Variants in RAB38 observed in about 807,000 individuals in gnomAD.
RAB38 encodes ras-related protein Rab-38.
In RAB38, 15 loss-of-function variants were observed where a neutral mutation model predicts 18.4. The observed-to-expected ratio is 0.82, with a 90% confidence interval of 0.55 to 1.26. RAB38 has a LOEUF of 1.26. Among genes scored for constraint, RAB38 ranks in the 50% most tolerant of loss-of-function variants. The pLI, the probability that RAB38 is intolerant of heterozygous loss-of-function variation, is 0.00. For missense variants in RAB38, 294 were observed against 267.4 expected (o/e 1.10, Z -0.69); for synonymous variants, 101 against 104.4 (o/e 0.97, Z 0.20).
the RAB38 span, among the ~76,000 whole-genome samples, chr11:88,100,429 A>G: frequency 6.6e-6 from 1 of 151,938 alleles, no homozygotes; most frequent in Non-Finnish European, 1.5e-5. Flanking sequence ...ATCATGTAAG[A>G]AAGTCTTTCC....
chr11:88,158,219 G>T (rs302655), intron 1 of RAB38, among the ~76,000 whole-genome samples: 64,710 of 151,848 alleles, frequency 0.43, 13,911 homozygotes, highest in Middle Eastern at 0.46. Flanking sequence ...AATCTGCCAA[G>T]ATTGAATCAG....
At chr11:87,863,754 G>C in the RAB38 span, among the ~76,000 whole-genome samples, 4 of 151,738 alleles carry the variant, frequency 2.6e-5, no homozygotes, top group Non-Finnish European at 5.9e-5. Flanking sequence ...AAAGTGTATA[G>C]CTCTTAAATC....
chr11:87,873,903 T>A, the RAB38 span, among the ~76,000 whole-genome samples: 2 of 57,862 alleles, frequency 3.5e-5, no homozygotes, highest in African/African-American at 7.8e-5. Flanking sequence ...TATATATATA[T>A]ATATATGTGT....
At chr11:87,925,331 A>G in the RAB38 span, among the ~76,000 whole-genome samples, 1 of 152,172 alleles carries the variant, frequency 6.6e-6, no homozygotes, top group Non-Finnish European at 1.5e-5. Flanking sequence ...TAACTTAAGG[A>G]ATTTATTTTT....
chr11:87,951,807 A>G, the RAB38 span, among the ~76,000 whole-genome samples: 1 of 151,972 alleles, frequency 6.6e-6, no homozygotes, highest in Non-Finnish European at 1.5e-5. Context: ...GTCTGCCCCT[A>G]CTGGGGGGGT....
chr11:87,955,931 A>C, the RAB38 span, among the ~76,000 whole-genome samples: 4,294 of 151,762 alleles, frequency 0.028, 213 homozygotes, highest in African/African-American at 0.099. Flanking sequence ...AAAATATTGT[A>C]TTTTCTCTTA....
At chr11:87,865,727 AAAG>A in the RAB38 span, among the ~76,000 whole-genome samples, 1 of 151,720 alleles carries the variant, frequency 6.6e-6, no homozygotes, top group African/African-American at 2.4e-5. Flanking sequence ...GGAAGGAAGA[AAAG>A]AAGAGAGAGA....
chr11:87,922,248 T>C, the RAB38 span, among the ~76,000 whole-genome samples: 1 of 151,956 alleles, frequency 6.6e-6, no homozygotes, highest in South Asian at 2.1e-4. Context: ...AAGACTATAC[T>C]GGTAAATCTG....
chr11:87,955,560 CTT>C, the RAB38 span, among the ~76,000 whole-genome samples: 1 of 152,114 alleles, frequency 6.6e-6, no homozygotes, highest in African/African-American at 2.4e-5. Flanking sequence ...CCTATAGACT[CTT>C]TTGTTTAACG....
chr11:87,857,478 C>T, the RAB38 span, among the ~76,000 whole-genome samples: 2 of 152,208 alleles, frequency 1.3e-5, no homozygotes, highest in Admixed American at 6.5e-5. Context: ...ACAGTCCCAC[C>T]AACAGTGTAA....
chr11:87,928,889 C>A, the RAB38 span, among the ~76,000 whole-genome samples: 1 of 151,962 alleles, frequency 6.6e-6, no homozygotes, highest in African/African-American at 2.4e-5. Context: ...CCAACGCAGG[C>A]GGATCATTTG....
chr11:87,807,577 A>G, the RAB38 span, among the ~76,000 whole-genome samples: 1 of 152,228 alleles, frequency 6.6e-6, no homozygotes, highest in African/African-American at 2.4e-5. Flanking sequence ...TTTAATATAA[A>G]AATTGTTTTT....
chr11:87,817,001 C>T, the RAB38 span: 1 of 152,042 alleles, frequency 6.6e-6, no homozygotes, highest in African/African-American at 2.4e-5. Flanking sequence ...CATTCATAAG[C>T]TTATGTCATC....
the RAB38 span, among the ~76,000 whole-genome samples, chr11:87,970,089 T>A: frequency 1.3e-5 from 2 of 151,954 alleles, no homozygotes; most frequent in African/African-American, 4.8e-5. Flanking sequence ...TCAGGCAAAA[T>A]GGGCTCAGAA....
chr11:88,139,956 C>T (rs999387948), intron 2 of RAB38, among the ~76,000 whole-genome samples: 2 of 152,104 alleles, frequency 1.3e-5, no homozygotes, highest in Non-Finnish European at 2.9e-5. Flanking sequence ...ATGACAGTAG[C>T]TAAAACTCAA....
At chr11:87,870,479 A>G in the RAB38 span, among the ~76,000 whole-genome samples, 1 of 151,648 alleles carries the variant, frequency 6.6e-6, no homozygotes, top group South Asian at 2.1e-4. Flanking sequence ...AAATCATTTC[A>G]GAGTCTACAC....
chr11:87,878,673 T>G, the RAB38 span, among the ~76,000 whole-genome samples: 1 of 151,692 alleles, frequency 6.6e-6, no homozygotes, highest in Non-Finnish European at 1.5e-5. Flanking sequence ...TAGTTTCAGC[T>G]TCTCTTTATT....
the RAB38 span, among the ~76,000 whole-genome samples, chr11:88,042,574 T>G: frequency 6.6e-6 from 1 of 152,004 alleles, no homozygotes; most frequent in East Asian, 1.9e-4. Flanking sequence ...AGCCAGAGAG[T>G]GTGCAAGGGA....
At chr11:88,006,987 T>C in the RAB38 span, among the ~76,000 whole-genome samples, 3 of 151,772 alleles carry the variant, frequency 2.0e-5, no homozygotes, top group African/African-American at 7.2e-5. Context: ...GGAGAGGTTT[T>C]TGAATCTCAC....
Sources: gnomAD v4.1 joint callset for allele counts (sites outside exome capture counted in the v4.1 genomes callset) on GRCh38, gnomAD v4.1.1 for gene constraint, MANE v1.5 for transcripts, NCBI Gene and HGNC (gene_info 2026-07-23, HGNC 2026-07-21) for gene names.